The following ZNF382 variants were observed in gnomAD, a reference collection of about 807,000 sequenced individuals.
ZNF382 encodes zinc finger protein 382.
Under a neutral mutation model 38.8 loss-of-function variants are expected in ZNF382, and 20 were observed. The ratio of observed to expected loss-of-function variants is 0.51; its 90% CI spans 0.36 to 0.75. The LOEUF is 0.75. Among genes scored for constraint, ZNF382 ranks in the 30% least tolerant of loss-of-function variants. The pLI is 0.00. For missense variants in ZNF382, 546 were observed against 654.1 expected (o/e 0.83, Z 1.80); for synonymous variants, 202 against 223.1 (o/e 0.91, Z 0.84).
intron 4 of ZNF382, among the ~76,000 whole-genome samples, chr19:36,614,986 C>CTT (rs777536991): frequency 1.9e-4 from 16 of 83,442 alleles, no homozygotes; most frequent in African/African-American, 5.4e-4. Context: ...TTCCTTCTTT[C>CTT]TTTTTTTTTT....
intron 4 of ZNF382, among the ~76,000 whole-genome samples, chr19:36,622,004 G>T (rs2037174258): frequency 6.7e-6 from 1 of 149,568 alleles, no homozygotes; most frequent in Non-Finnish European, 1.5e-5. Context: ...GGATCCTCAA[G>T]ACTGCCCTTA....
chr19:36,612,885 G>A (rs1201571797), intron 4 of ZNF382, among the ~76,000 whole-genome samples: 1 of 152,068 alleles, frequency 6.6e-6, no homozygotes, highest in African/African-American at 2.4e-5. Context: ...TATGCCTCCC[G>A]GGTTCAAGCA....
chr19:36,617,170 G>A (rs764778153), intron 4 of ZNF382, among the ~76,000 whole-genome samples: 1 of 152,130 alleles, frequency 6.6e-6, no homozygotes, highest in Non-Finnish European at 1.5e-5. Context: ...GATCAAACAG[G>A]CCTCACAGAG....
chr19:36,620,852 G>A (rs575927484), intron 4 of ZNF382, among the ~76,000 whole-genome samples: 9 of 151,748 alleles, frequency 5.9e-5, no homozygotes, highest in African/African-American at 1.7e-4. Flanking sequence ...TCCACCTCCC[G>A]AGTTCAAGTG....
At chr19:36,613,903 G>A (rs2037099375) in intron 4 of ZNF382, among the ~76,000 whole-genome samples, 1 of 152,194 alleles carries the variant, frequency 6.6e-6, no homozygotes, top group Non-Finnish European at 1.5e-5. Context: ...GATCACATTT[G>A]TATCAGTCTA....
intron 4 of ZNF382, among the ~76,000 whole-genome samples, chr19:36,625,059 C>A (rs1211977030): frequency 8.8e-6 from 1 of 113,550 alleles, no homozygotes; most frequent in Non-Finnish European, 1.8e-5. Context: ...CAGAGCGAGA[C>A]CCTTTCTCAA....
chr19:36,627,632 A>C lies in ZNF382; in HGVS notation c.*82A>C. The C allele has an allele frequency of 9.9e-7, 1 of 1,013,874 alleles. No homozygotes were observed. Among genetic ancestry groups the C allele is most frequent in the Non-Finnish European group, 1.5e-6 (1 of 678,382 alleles). 62.8% of individuals were successfully genotyped at this position (1,013,874 alleles called of 1,614,324 possible). ...GTTGCTTGCAAGCGTAATATCCAAC[A>C]GTTTAAGGTACTATACCACATGGTA... On this transcript the variant is annotated 3_prime_UTR_variant, in exon 5 of 5. Transcript: ENST00000292928.
intron 4 of ZNF382, among the ~76,000 whole-genome samples, chr19:36,618,452 A>G (rs560027545): frequency 1.3e-5 from 2 of 152,222 alleles, no homozygotes; most frequent in Middle Eastern, 3.4e-3. Flanking sequence ...TGACTTCTCC[A>G]TTCCCAGATT....
chr19:36,605,977 A>C (rs568074604), intron 1 of ZNF382, among the ~76,000 whole-genome samples: 25 of 152,106 alleles, frequency 1.6e-4, no homozygotes, highest in Admixed American at 3.9e-4. Context: ...GGTTCTCTGA[A>C]GGATGTTTGA....
chr19:36,620,548 T>C (rs2037160937), intron 4 of ZNF382, among the ~76,000 whole-genome samples: 2 of 152,236 alleles, frequency 1.3e-5, no homozygotes, highest in Admixed American at 6.5e-5. Context: ...GCTACAATCA[T>C]CTGATGAATT....
rs780783872 is a variant in ZNF382 at position 36,626,495 on chromosome 19, A to G, written c.598A>G (p.Ile200Val). The change falls in exon 5 of 5, where the codon ATT becomes GTT. Residue 200 changes from isoleucine (I) to valine (V), a missense_variant. Physicochemically the swap from Ile to Val is conservative, Grantham distance 29. Transcript: ENST00000292928. ...ERVLSGKQEL[I>V]QHQKVQAPEQ... Reference sequence around the variant, plus strand: ...AGTTCTCAGTGGTAAACAGGAGCTTATTCAGCATCAGAAGGTTCAAGCTCC... The same window carrying G: ...AGTTCTCAGTGGTAAACAGGAGCTTGTTCAGCATCAGAAGGTTCAAGCTCC... 5.0e-6 allele frequency: 8 copies of G among 1,604,336 alleles called. No individual in the cohort carries two copies. The South Asian group carries it at 9.0e-5, about 18-fold the overall frequency.
chr19:36,615,480 G>A (rs1424723252), intron 4 of ZNF382, among the ~76,000 whole-genome samples: 2 of 152,126 alleles, frequency 1.3e-5, no homozygotes, highest in African/African-American at 4.8e-5. Context: ...ATTTTTTAGT[G>A]TTTAACAGAT....
At chr19:36,618,103 T>G (rs1392467915) in intron 4 of ZNF382, among the ~76,000 whole-genome samples, 4 of 152,232 alleles carry the variant, frequency 2.6e-5, no homozygotes, top group African/African-American at 9.6e-5. Flanking sequence ...TTTGTTTGCC[T>G]GTTTTTCCAC....
chr19:36,620,519 C>T (rs1244683892), intron 4 of ZNF382, among the ~76,000 whole-genome samples: 1 of 152,148 alleles, frequency 6.6e-6, no homozygotes, highest in Non-Finnish European at 1.5e-5. Context: ...CAGTTCTTGA[C>T]TTTATGAAAG....
At position 36,626,716 on chromosome 19, in the gene ZNF382, T is replaced by C. The variant is rs761736303; in HGVS notation, c.819T>C (p.Tyr273=). 2.5e-6 allele frequency: 4 copies of C among 1,614,052 alleles called. No individual in the cohort carries two copies. In the South Asian group the frequency reaches 4.4e-5, roughly 18 times the overall value. ...AGAAGCCCTCTGCCTACAACAAATATGGGAAATTCCTCTGCAGAAAGCCTG... is the reference window on the plus strand; with the variant it reads ...AGAAGCCCTCTGCCTACAACAAATACGGGAAATTCCTCTGCAGAAAGCCTG... ...MEKKPSAYNK[Y]GKFLCRKPVF... Residue 273 remains tyrosine (Y), a synonymous_variant, in exon 5 of 5, where the codon TAT becomes TAC. Coordinates refer to ENST00000292928, the MANE Select transcript of ZNF382 (RefSeq NM_032825.5).
intron 4 of ZNF382, among the ~76,000 whole-genome samples, chr19:36,617,992 G>A (rs772424023): frequency 1.3e-5 from 2 of 152,140 alleles, no homozygotes; most frequent in Non-Finnish European, 2.9e-5. Flanking sequence ...CTGGAGTCTC[G>A]ATGGAAAGAC....
At chr19:36,606,984 G>A (rs1290275086) in intron 1 of ZNF382, among the ~76,000 whole-genome samples, 2 of 151,544 alleles carry the variant, frequency 1.3e-5, no homozygotes, top group African/African-American at 4.9e-5. Context: ...GGCTGAGGCA[G>A]GAGAATCGCT....
rs767480822 is a variant in ZNF382, at chr19:36,626,947, A to G, written c.1050A>G (p.Lys350=). 13 of 1,614,058 alleles carry G rather than the reference A, an allele frequency of 8.1e-6. No individual in the cohort carries two copies. The highest frequency in any genetic ancestry group is 1.6e-4 in the Middle Eastern group (1 of 6,084). ...TLHEKTHIEG[K]PFICIDCGKS... The stretch of plus-strand genomic sequence containing the variant: ...ATGAGAAAACACATATAGAGGGGAA[A>G]CCCTTTATTTGTATCGATTGTGGGA... Residue 350 remains lysine, a synonymous_variant, in exon 5 of 5, where the codon AAA becomes AAG. Transcript: ENST00000292928.
chr19:36,617,910 C>G (rs1033607573), intron 4 of ZNF382, among the ~76,000 whole-genome samples: 7 of 152,146 alleles, frequency 4.6e-5, no homozygotes, highest in Admixed American at 3.9e-4. Context: ...AGGACTGGGC[C>G]TAATTGGTTA....
Sources: gnomAD v4.1 joint callset for allele counts (sites outside exome capture counted in the v4.1 genomes callset) on GRCh38, gnomAD v4.1.1 for gene constraint, MANE v1.5 for transcripts, NCBI Gene and HGNC (gene_info 2026-07-23, HGNC 2026-07-21) for gene names.